The following CEP57 variants were observed in gnomAD, a reference collection of about 807,000 sequenced individuals.
CEP57 encodes the protein centrosomal protein of 57 kDa.
In CEP57, 40 loss-of-function variants were observed where a neutral mutation model predicts 68.0. That is an observed-to-expected ratio of 0.59 (90% CI 0.46 to 0.77). CEP57 has a LOEUF of 0.77. Among genes scored for constraint, CEP57 ranks in the 30% least tolerant of loss-of-function variants. The pLI is 0.00. For synonymous variants in CEP57, 219 were observed against 198.7 expected, an observed-to-expected ratio of 1.10 and a Z score of -0.86; for missense variants, 606 against 580.7, an observed-to-expected ratio of 1.04 and a Z score of -0.45.
intron 2 of CEP57, among the ~76,000 whole-genome samples, chr11:95,800,817 G>A (rs1353214054): frequency 1.3e-5 from 2 of 152,136 alleles, no homozygotes; most frequent in Non-Finnish European, 2.9e-5. Context: ...TTTTGATATT[G>A]AATTTGTTAA....
intron 1 of CEP57, chr11:95,794,072 CT>C (rs750423602): frequency 9.3e-6 from 3 of 321,976 alleles, no homozygotes; most frequent in Non-Finnish European, 1.9e-5. Context: ...ATCCAGCATT[CT>C]TTTTTTAAAG....
rs532039074 is a variant in CEP57 at position 95,816,628 on chromosome 11, T to C, written c.505-1159T>C. On this transcript the variant is annotated intron_variant, in intron 4 of 10. Transcript: ENST00000325542. ...TTAGTTCACACAAATTCCTAAATTA[T>C]TGCTTTATATTAATTTGTCATATTC... Among the ~76,000 whole-genome samples, 7 of 152,344 alleles carry C rather than the reference T, an allele frequency of 4.6e-5. No individual in the cohort carries two copies. The South Asian group carries it at 6.2e-4, about 14-fold the overall frequency.
At chr11:95,820,969 T>C (rs887509510) in intron 6 of CEP57, among the ~76,000 whole-genome samples, 8 of 152,214 alleles carry the variant, frequency 5.3e-5, no homozygotes, top group African/African-American at 1.9e-4. Flanking sequence ...TTAGTAATAA[T>C]CTTAGTATCT....
intron 2 of CEP57, among the ~76,000 whole-genome samples, chr11:95,805,951 A>G (rs531932476): frequency 5.7e-4 from 87 of 152,308 alleles, no homozygotes; most frequent in African/African-American, 2.0e-3. Flanking sequence ...AACTGTAAAT[A>G]TAATTTTAAA....
chr11:95,799,269 T>C lies in CEP57; in HGVS notation c.83T>C (p.Met28Thr), dbSNP rs773499527. The C allele has an allele frequency of 1.9e-6, 3 of 1,614,072 alleles. No individual in the cohort carries two copies. Among genetic ancestry groups the C allele is most frequent in the East Asian group, 2.2e-5 (1 of 44,888 alleles). Reference sequence around the variant, plus strand: ...GAGCCATCAAGGTCTAATGGAAGCATGGTTCGGCATTCTTCATCTCCATAT... The same window carrying C: ...GAGCCATCAAGGTCTAATGGAAGCACGGTTCGGCATTCTTCATCTCCATAT... ...FAEPSRSNGS[M>T]VRHSSSPYVV... The change falls in exon 2 of 11, where the codon ATG becomes ACG. Residue 28 changes from methionine (M) to threonine (T), a missense_variant. Coordinates refer to ENST00000325542, the MANE Select transcript of CEP57 (RefSeq NM_014679.5).
intron 1 of CEP57, 82 bp from the exon 2 acceptor site, chr11:95,799,150 T>C (rs903772646): frequency 1.4e-6 from 2 of 1,388,396 alleles, no homozygotes; most frequent in African/African-American, 2.8e-5. Context: ...GGACAGTCAA[T>C]CTCAGTCATA....
chr11:95,818,686 C>A, intron 5 of CEP57, 141 bp from the exon 6 acceptor site: 1 of 663,534 alleles, frequency 1.5e-6, no homozygotes, highest in Non-Finnish European at 2.7e-6. Flanking sequence ...TGCCATCCAG[C>A]TCACAGCCTC....
intron 1 of CEP57, chr11:95,794,145 G>C: frequency 2.6e-6 from 1 of 383,996 alleles, no homozygotes; most frequent in Non-Finnish European, 5.2e-6. Context: ...AGATCTTTTA[G>C]AGTGTAAAGG....
chr11:95,794,370 C>T (rs768714667), intron 1 of CEP57: 3 of 454,838 alleles, frequency 6.6e-6, no homozygotes, highest in South Asian at 4.7e-5. Context: ...GTATGTGCGT[C>T]TTCAGCTTTA....
chr11:95,793,551 C>T (rs77341675), intron 1 of CEP57, among the ~76,000 whole-genome samples: 1 of 151,770 alleles, frequency 6.6e-6, no homozygotes, highest in Admixed American at 6.6e-5. Context: ...TCATGTTCCT[C>T]TGTGTCTTCT....
At chr11:95,824,106 C>T (rs1042080862) in intron 8 of CEP57, among the ~76,000 whole-genome samples, 1 of 148,744 alleles carries the variant, frequency 6.7e-6, no homozygotes, top group African/African-American at 2.5e-5. Flanking sequence ...ATGATCCCGG[C>T]ATGTTGGCGT....
intron 8 of CEP57, chr11:95,827,525 A>G: frequency 4.7e-6 from 2 of 422,282 alleles, no homozygotes; most frequent in Non-Finnish European, 8.6e-6. Flanking sequence ...AGAGAAGGGG[A>G]GGATGATAGG....
intron 2 of CEP57, among the ~76,000 whole-genome samples, chr11:95,812,219 TAATA>T: frequency 6.6e-6 from 1 of 152,170 alleles, no homozygotes; most frequent in South Asian, 2.1e-4. Flanking sequence ...TAAAATGTAT[TAATA>T]AGTAATAGTT....
chr11:95,793,625 G>C (rs535871939), intron 1 of CEP57, among the ~76,000 whole-genome samples: 1 of 152,132 alleles, frequency 6.6e-6, no homozygotes, highest in South Asian at 2.1e-4. Flanking sequence ...TATTTATATA[G>C]GACTACCTGG....
chr11:95,818,360 G>A (rs998813885), intron 5 of CEP57, among the ~76,000 whole-genome samples: 3 of 149,188 alleles, frequency 2.0e-5, no homozygotes, highest in African/African-American at 4.9e-5. Context: ...GTTGTGAGCC[G>A]AGATCACGCC....
rs1421538304 is a variant in CEP57, at chr11:95,831,174, G to A, written c.1421G>A (p.Arg474Lys). The A allele has an allele frequency of 4.3e-6, 7 of 1,613,140 alleles. No homozygotes were observed. Among genetic ancestry groups the A allele is most frequent in the South Asian group, 1.1e-5 (1 of 90,968 alleles). ...ATGAAACTGAGACCTGGAGAAAAAA[G>A]GAGAAAAAATCTTCAGTTATTGAAG... ...DFMKLRPGEK[R>K]RKNLQLLKDM... The change falls in exon 11 of 11, where the codon AGG becomes AAG. Residue 474 changes from arginine to lysine, a missense_variant. Arg to Lys is a conservative substitution (Grantham distance 26, BLOSUM62 2). Transcript: ENST00000325542.
intron 8 of CEP57, chr11:95,826,684 A>T (rs973239262): frequency 2.0e-5 from 3 of 152,236 alleles, no homozygotes; most frequent in Non-Finnish European, 4.4e-5. Context: ...GGTCAAGTGC[A>T]TATTAATATA....
intron 2 of CEP57, among the ~76,000 whole-genome samples, chr11:95,804,326 A>G (rs1476329258): frequency 6.6e-6 from 1 of 152,226 alleles, no homozygotes; most frequent in African/African-American, 2.4e-5. Flanking sequence ...ATACCCAAGT[A>G]CAGAAATAAA....
intron 2 of CEP57, among the ~76,000 whole-genome samples, chr11:95,811,045 G>A (rs925004341): frequency 6.6e-6 from 1 of 152,154 alleles, no homozygotes; most frequent in South Asian, 2.1e-4. Flanking sequence ...CAAGTATCTA[G>A]AACTAGAAAT....
Sources: allele counts gnomAD v4.1 joint callset (sites outside exome capture counted in the v4.1 genomes callset), GRCh38; gene constraint gnomAD v4.1.1; transcripts MANE v1.5; gene names NCBI Gene and HGNC (gene_info 2026-07-23, HGNC 2026-07-21).